The following RFX3 variants were observed in gnomAD, a reference collection of about 807,000 sequenced individuals.
RFX3 encodes transcription factor RFX3.
Under a neutral mutation model 98.6 loss-of-function variants are expected in RFX3, and 14 were observed. That is an observed-to-expected ratio of 0.14 (90% CI 0.09 to 0.22). RFX3 has a LOEUF of 0.22. Ranked by LOEUF, RFX3 falls within the 10% of genes least tolerant of loss-of-function variation. RFX3 has a pLI of 1.00. For synonymous variants in RFX3, 383 were observed against 328.4 expected (o/e 1.17, Z -1.80); for missense variants, 639 against 926.9 (o/e 0.69, Z 4.03).
chr9:3,418,286 T>G (rs528423732), intron 1 of RFX3, among the ~76,000 whole-genome samples: 1 of 152,242 alleles, frequency 6.6e-6, no homozygotes, highest in African/African-American at 2.4e-5. Flanking sequence ...TACTGCTTTC[T>G]GTGGGCTTAC....
chr9:3,383,771 C>T (rs1328150484), intron 2 of RFX3, among the ~76,000 whole-genome samples: 4 of 152,022 alleles, frequency 2.6e-5, no homozygotes, highest in Admixed American at 2.6e-4. Context: ...TTGTTTCAGG[C>T]AGGGACAGAG....
At chr9:3,311,501 T>C (rs1199070890) in intron 4 of RFX3, among the ~76,000 whole-genome samples, 1 of 152,252 alleles carries the variant, frequency 6.6e-6, no homozygotes, top group Non-Finnish European at 1.5e-5. Context: ...ACTTCCCTTT[T>C]GCATTTAGTC....
intron 1 of RFX3, among the ~76,000 whole-genome samples, chr9:3,414,431 A>C (rs1360525392): frequency 2.6e-5 from 4 of 151,752 alleles, no homozygotes; most frequent in Non-Finnish European, 5.9e-5. Context: ...AAAGATCCAA[A>C]GACATATTTG....
chr9:3,322,737 GAA>G (rs996750048), intron 4 of RFX3, among the ~76,000 whole-genome samples: 1 of 150,838 alleles, frequency 6.6e-6, no homozygotes, highest in Non-Finnish European at 1.5e-5. Flanking sequence ...CATCTCGAAA[GAA>G]AAAAAAATTG....
In RFX3 at chr9:3,508,090, T is replaced by A. The variant is rs574309148; in HGVS notation, c.-9+17657A>T. ...TCTGACAGAGGGAAACGTAAAACTC[T>A]GAGCTATTTCTAAAAATTCAAAAAA... On this transcript the variant is annotated intron_variant, in intron 1 of 16. Coordinates refer to ENST00000617270, the MANE Select transcript of RFX3 (RefSeq NM_001282116.2). 1.0e-3 allele frequency among the ~76,000 whole-genome samples: 152 copies of A among 152,138 alleles called. 2 individuals carry two copies. In the South Asian group the frequency reaches 0.029, roughly 29 times the overall value.
intron 1 of RFX3, among the ~76,000 whole-genome samples, chr9:3,424,348 C>CTTTTTTTTTTT (rs748693786): frequency 1.3e-5 from 1 of 76,008 alleles, no homozygotes; most frequent in African/African-American, 6.5e-5. Context: ...ACATAATTGA[C>CTTTTTTTTTTT]TTTTTTTTTT....
chr9:3,412,467 G>T (rs543969836), intron 1 of RFX3, among the ~76,000 whole-genome samples: 1 of 152,172 alleles, frequency 6.6e-6, no homozygotes, highest in East Asian at 1.9e-4. Flanking sequence ...TAAAAGAAAG[G>T]CTTCAAACCA....
At chr9:3,432,279 C>T (rs1251888434) in intron 1 of RFX3, among the ~76,000 whole-genome samples, 2 of 152,066 alleles carry the variant, frequency 1.3e-5, no homozygotes, top group Non-Finnish European at 1.5e-5. Flanking sequence ...TCTACTTGCC[C>T]CCAAACACAT....
At chr9:3,325,656 A>G (rs1311659007) in intron 4 of RFX3, among the ~76,000 whole-genome samples, 1 of 152,098 alleles carries the variant, frequency 6.6e-6, no homozygotes, top group African/African-American at 2.4e-5. Flanking sequence ...TTTATGTAAG[A>G]GTGAGTAAAT....
intron 4 of RFX3, among the ~76,000 whole-genome samples, chr9:3,312,785 A>G (rs922514331): frequency 6.6e-6 from 1 of 152,152 alleles, no homozygotes; most frequent in Non-Finnish European, 1.5e-5. Context: ...CCAGTCTGAG[A>G]TTGAACTGCA....
At chr9:3,240,826 G>C (rs1819815146) in intron 15 of RFX3, among the ~76,000 whole-genome samples, 1 of 152,190 alleles carries the variant, frequency 6.6e-6, no homozygotes, top group Non-Finnish European at 1.5e-5. Context: ...AGCCACTTGG[G>C]CTAGGCACAG....
At chr9:3,365,338 G>T (rs1345716662) in intron 2 of RFX3, among the ~76,000 whole-genome samples, 1 of 150,540 alleles carries the variant, frequency 6.6e-6, no homozygotes, top group Non-Finnish European at 1.5e-5. Flanking sequence ...GGGCATCTTG[G>T]ATAAAGCAAA....
intron 1 of RFX3, among the ~76,000 whole-genome samples, chr9:3,423,778 CATATAT>C (rs61209874): frequency 0.037 from 4,082 of 111,010 alleles, 99 homozygotes; most frequent in African/African-American, 0.053. Context: ...TATATATTTT[CATATAT>C]ATATATATAT....
intron 15 of RFX3, among the ~76,000 whole-genome samples, chr9:3,235,067 C>A (rs1049101877): frequency 1.3e-5 from 2 of 152,272 alleles, no homozygotes; most frequent in East Asian, 3.9e-4. Context: ...TTTAATTGTA[C>A]GCATTCGTGG....
At chr9:3,316,649 CCTT>C (rs1830632075) in intron 4 of RFX3, among the ~76,000 whole-genome samples, 3 of 152,310 alleles carry the variant, frequency 2.0e-5, no homozygotes, top group Admixed American at 2.0e-4. Context: ...CCCAAAATCT[CCTT>C]AAGCTGATAA....
intron 14 of RFX3, among the ~76,000 whole-genome samples, chr9:3,249,970 T>C (rs1056124649): frequency 6.6e-5 from 10 of 152,026 alleles, no homozygotes; most frequent in African/African-American, 1.9e-4. Flanking sequence ...AATGAATACT[T>C]TCATTTGCAT....
intron 1 of RFX3, among the ~76,000 whole-genome samples, chr9:3,483,603 A>C (rs1303638802): frequency 6.6e-6 from 1 of 152,178 alleles, no homozygotes; most frequent in Non-Finnish European, 1.5e-5. Context: ...ACACATTGAT[A>C]CCTAAGATAC....
chr9:3,267,699 C>G (rs1334291201), intron 11 of RFX3, among the ~76,000 whole-genome samples: 1 of 151,602 alleles, frequency 6.6e-6, no homozygotes. Flanking sequence ...TTGAAACCTT[C>G]AAAGCTTCCC....
chr9:3,440,055 A>T (rs1226322206), intron 1 of RFX3, among the ~76,000 whole-genome samples: 1 of 152,094 alleles, frequency 6.6e-6, no homozygotes, highest in Non-Finnish European at 1.5e-5. Flanking sequence ...ACAAATTCTA[A>T]CATCCATTGC....
Sources: allele counts gnomAD v4.1 joint callset (sites outside exome capture counted in the v4.1 genomes callset), GRCh38; gene constraint gnomAD v4.1.1; transcripts MANE v1.5; gene names NCBI Gene and HGNC (gene_info 2026-07-23, HGNC 2026-07-21).